Variants in RANBP2 observed in about 807,000 individuals in gnomAD.
RANBP2 encodes E3 SUMO-protein ligase RanBP2.
Under a neutral mutation model 303.6 loss-of-function variants are expected in RANBP2, and 57 were observed. The ratio of observed to expected loss-of-function variants is 0.19; its 90% CI spans 0.15 to 0.23. RANBP2 has a LOEUF of 0.23. RANBP2 is among the 10% of genes least tolerant of loss of function. RANBP2 has a pLI of 1.00. For missense variants in RANBP2, 3,138 were observed against 3,780.8 expected, an observed-to-expected ratio of 0.83 and a Z score of 4.46; for synonymous variants, 1,167 against 1,301.5, an observed-to-expected ratio of 0.90 and a Z score of 2.23.
the RANBP2 span, among the ~76,000 whole-genome samples, chr2:109,721,659 A>G: frequency 6.6e-6 from 1 of 152,246 alleles, no homozygotes; most frequent in African/African-American, 2.4e-5. Flanking sequence ...TTCCTCACAA[A>G]TATCAATCCA....
the RANBP2 span, among the ~76,000 whole-genome samples, chr2:109,568,456 C>A: frequency 6.6e-6 from 1 of 150,794 alleles, no homozygotes; most frequent in South Asian, 2.1e-4. Flanking sequence ...ACTGCAACCA[C>A]TGCCTTCTGG....
chr2:108,915,075 C>CT, the RANBP2 span, among the ~76,000 whole-genome samples: 1 of 152,026 alleles, frequency 6.6e-6, no homozygotes, highest in Admixed American at 6.5e-5. Context: ...ACCACACCTA[C>CT]TTTTTGTATT....
the RANBP2 span, among the ~76,000 whole-genome samples, chr2:109,203,823 C>CG: frequency 0.49 from 74,829 of 151,882 alleles, 19,007 homozygotes; most frequent in African/African-American, 0.6. Flanking sequence ...GACTCTGAAG[C>CG]GTTTGCTCTC....
the RANBP2 span, among the ~76,000 whole-genome samples, chr2:109,280,793 T>C: frequency 4.6e-5 from 7 of 152,242 alleles, no homozygotes; most frequent in Non-Finnish European, 1.0e-4. Flanking sequence ...ATCTCATTTC[T>C]CTCTTCATTT....
chr2:108,905,284 T>A, the RANBP2 span, among the ~76,000 whole-genome samples: 2 of 152,106 alleles, frequency 1.3e-5, no homozygotes, highest in South Asian at 4.2e-4. Context: ...AGAGAAGAGC[T>A]TCCTGGTGGA....
At chr2:109,318,630 AT>A in the RANBP2 span, among the ~76,000 whole-genome samples, 1 of 152,284 alleles carries the variant, frequency 6.6e-6, no homozygotes, top group African/African-American at 2.4e-5. Flanking sequence ...TGGGGGCAGC[AT>A]TTGTCTCTTG....
At chr2:109,176,783 C>T in the RANBP2 span, among the ~76,000 whole-genome samples, 14 of 152,264 alleles carry the variant, frequency 9.2e-5, no homozygotes, top group Middle Eastern at 3.4e-3. Context: ...GAGGCTGTTC[C>T]GCTGGCAGAA....
chr2:109,347,542 C>T, the RANBP2 span: 6 of 1,237,092 alleles, frequency 4.9e-6, no homozygotes, highest in Non-Finnish European at 5.5e-6. Context: ...ATATTTTCCA[C>T]TTGCGGGGCA....
the RANBP2 span, among the ~76,000 whole-genome samples, chr2:109,608,009 T>C: frequency 5.3e-5 from 8 of 152,354 alleles, no homozygotes; most frequent in East Asian, 1.5e-3. Flanking sequence ...CCGTGACTCA[T>C]TCAGATTGAG....
chr2:109,022,510 C>T, the RANBP2 span, among the ~76,000 whole-genome samples: 1 of 152,102 alleles, frequency 6.6e-6, no homozygotes, highest in Non-Finnish European at 1.5e-5. Context: ...TTCAGAAAGT[C>T]AAACACTGCA....
chr2:109,650,149 A>G, the RANBP2 span, among the ~76,000 whole-genome samples: 1 of 152,230 alleles, frequency 6.6e-6, no homozygotes, highest in Non-Finnish European at 1.5e-5. Context: ...GATGATGGAA[A>G]TCCATAAGGC....
At chr2:109,799,261 G>A in the RANBP2 span, among the ~76,000 whole-genome samples, 10 of 136,870 alleles carry the variant, frequency 7.3e-5, no homozygotes, top group African/African-American at 2.6e-4. Flanking sequence ...AAAAAGGAAG[G>A]GGGGAACAGG....
At chr2:109,742,736 GTC>G in the RANBP2 span, among the ~76,000 whole-genome samples, 17 of 146,676 alleles carry the variant, frequency 1.2e-4, no homozygotes, top group African/African-American at 4.4e-4. Context: ...GGAGAATGAA[GTC>G]AGAGTACTGA....
At chr2:109,415,285 T>G in the RANBP2 span, among the ~76,000 whole-genome samples, 1 of 152,206 alleles carries the variant, frequency 6.6e-6, no homozygotes, top group East Asian at 1.9e-4. Context: ...TGTGAGGAAC[T>G]AACACCACGG....
the RANBP2 span, among the ~76,000 whole-genome samples, chr2:109,422,857 C>T: frequency 6.6e-6 from 1 of 152,158 alleles, no homozygotes; most frequent in African/African-American, 2.4e-5. Flanking sequence ...AGGGAGAGGG[C>T]ATAGGGCTAC....
the RANBP2 span, among the ~76,000 whole-genome samples, chr2:109,096,021 G>A: frequency 1.5e-4 from 23 of 152,268 alleles, no homozygotes; most frequent in Admixed American, 1.4e-3. Context: ...TCCTACCAGA[G>A]TAAAGGTTTT....
the RANBP2 span, chr2:108,794,753 A>AG: frequency 6.7e-7 from 1 of 1,485,156 alleles, no homozygotes; most frequent in South Asian, 1.2e-5. Context: ...GAGAATTCAG[A>AG]AATATTTATG....
the RANBP2 span, among the ~76,000 whole-genome samples, chr2:108,874,938 G>A: frequency 6.7e-6 from 1 of 149,142 alleles, no homozygotes; most frequent in African/African-American, 2.5e-5. Flanking sequence ...TTTTTTTAAA[G>A]GTAGTCCCAA....
chr2:108,732,787 T>G (rs1239837814), intron 4 of RANBP2, among the ~76,000 whole-genome samples: 3 of 152,212 alleles, frequency 2.0e-5, no homozygotes, highest in African/African-American at 7.2e-5. Context: ...TTTCAAAATG[T>G]TATGTAAATG....
Sources: allele counts gnomAD v4.1 joint callset (sites outside exome capture counted in the v4.1 genomes callset), GRCh38; gene constraint gnomAD v4.1.1; transcripts MANE v1.5; gene names NCBI Gene and HGNC (gene_info 2026-07-23, HGNC 2026-07-21).